The following NEK9 variants were observed in gnomAD, a reference collection of about 807,000 sequenced individuals.
NEK9 encodes serine/threonine-protein kinase Nek9.
NEK9 carries 75 observed loss-of-function variants against 123.4 expected under a neutral mutation model. That is an observed-to-expected ratio of 0.61 (90% CI 0.50 to 0.74). The LOEUF is 0.74. Ranked by LOEUF, NEK9 falls within the 30% of genes least tolerant of loss-of-function variation. NEK9 has a pLI of 0.00. For missense variants in NEK9, 952 were observed against 1,214.4 expected (o/e 0.78, Z 3.21); for synonymous variants, 438 against 458.7 (o/e 0.95, Z 0.58).
At position 75,097,236 on chromosome 14, in the gene NEK9, AT is replaced by A; in HGVS notation, c.2036del (p.Asn679MetfsTer6). On this transcript the variant is annotated frameshift_variant, in exon 17 of 22. Coordinates refer to ENST00000238616, the MANE Select transcript of NEK9 (RefSeq NM_033116.6). LOFTEE classifies it high-confidence loss of function. ...CTGTGGGGGTCATTGCCAGGCGGCC[AT>A]TACCACCATTGCCCCAGGCAAAAAT... Reference protein sequence around the residue: ...NHIFAWGNGGNGRLAMTPTER... With the variant: ...NHIFAWGNGGXGRLAMTPTER... The A allele has an allele frequency of 1.2e-6, 2 of 1,610,560 alleles. No individual in the cohort carries two copies. The highest frequency in any genetic ancestry group is 1.7e-6 in the Non-Finnish European group (2 of 1,178,032).
chr14:75,117,740 T>C (rs545403670), intron 5 of NEK9, among the ~76,000 whole-genome samples: 22 of 152,358 alleles, frequency 1.4e-4, no homozygotes, highest in East Asian at 3.9e-4. Flanking sequence ...ATGTTCTAAC[T>C]AAAATACGCG....
At chr14:75,092,321 C>T (rs1359419784) in intron 18 of NEK9, among the ~76,000 whole-genome samples, 2 of 148,166 alleles carry the variant, frequency 1.3e-5, no homozygotes, top group African/African-American at 2.5e-5. Flanking sequence ...GGCTAGAGTG[C>T]AGTGGCACGA....
Position 75,101,572 on chromosome 14 carries a change from T to C in NEK9, c.1840+85A>G, listed in dbSNP as rs946870434. The C allele has an allele frequency of 2.1e-5, 17 of 817,822 alleles. No individual in the cohort carries two copies. The African/African-American group carries it at 2.7e-4, about 13-fold the overall frequency. 50.7% of individuals were successfully genotyped at this position (817,822 alleles called of 1,614,324 possible). ...AGATTTTCAGGGGAAATCGGGATGA[T>C]ATACATATAAAGAAAACCTAATACC... On this transcript the variant is annotated intron_variant, in intron 15 of 21. Transcript: ENST00000238616.
intron 13 of NEK9, among the ~76,000 whole-genome samples, chr14:75,104,259 G>A (rs1894695083): frequency 6.6e-6 from 1 of 151,726 alleles, no homozygotes; most frequent in South Asian, 2.1e-4. Flanking sequence ...CTGCCTCCCA[G>A]GTTCAAGCGA....
At chr14:75,095,299 G>A in intron 18 of NEK9, 73 bp downstream of exon 18, 8 of 985,704 alleles carry the variant, frequency 8.1e-6, no homozygotes, top group Non-Finnish European at 1.2e-5. Context: ...TTTGGGTTTT[G>A]GAGTCTACAT....
At chr14:75,123,958 T>C in intron 2 of NEK9, 88 bp downstream of exon 2, 1 of 1,137,782 alleles carries the variant, frequency 8.8e-7, no homozygotes, top group Non-Finnish European at 1.3e-6. Flanking sequence ...TTTATCACTG[T>C]ATATGTCTCT....
intron 4 of NEK9, 65 bp downstream of exon 4, chr14:75,120,445 G>A: frequency 2.9e-6 from 3 of 1,046,770 alleles, no homozygotes; most frequent in Non-Finnish European, 2.9e-6. Flanking sequence ...GTTGTTGGGG[G>A]GGTATCCACG....
intron 16 of NEK9, among the ~76,000 whole-genome samples, chr14:75,098,607 T>C (rs1202654329): frequency 6.6e-6 from 1 of 152,222 alleles, no homozygotes; most frequent in African/African-American, 2.4e-5. Flanking sequence ...ACCTAACACC[T>C]GCCTGTGCTA....
chr14:75,082,301 A>G lies in NEK9; in HGVS notation c.*2263T>C, dbSNP rs1287571940. 1.3e-5 allele frequency: 2 copies of G among 152,244 alleles called. No individual in the cohort carries two copies. 9.4% of individuals were successfully genotyped at this position (152,244 alleles called of 1,614,324 possible). On this transcript the variant is annotated 3_prime_UTR_variant, in exon 22 of 22. Transcript: ENST00000238616. Reference sequence around the variant, plus strand: ...GAAAACTTAAAACACCTAGCACTGCATAAAGAAAAAAAGCAGGACAAAATT... The same window carrying G: ...GAAAACTTAAAACACCTAGCACTGCGTAAAGAAAAAAAGCAGGACAAAATT...
In NEK9 at chr14:75,083,542, C is replaced by G. The variant is rs1555350633; in HGVS notation, c.*1022G>C. The G allele has an allele frequency of 6.5e-6, 1 of 153,816 alleles. No individual in the cohort carries two copies. The highest frequency in any genetic ancestry group is 2.4e-5 in the African/African-American group (1 of 41,452). The allele number at this position is 153,816 out of a possible 1,614,324, so 9.5% of individuals were successfully genotyped here. A position where few individuals can be genotyped will look rare whatever the true frequency, so the allele number is the denominator to read the frequency against. ...CGTTACCACATGGCTTCATAAAACA[C>G]CAAAAGGGGAAAAATACTGACTAGA... On this transcript the variant is annotated 3_prime_UTR_variant, in exon 22 of 22. Transcript: ENST00000238616.
Position 75,109,741 on chromosome 14 carries a change from C to A in NEK9, c.1126G>T (p.Ala376Ser). The A allele has an allele frequency of 1.2e-6, 2 of 1,614,166 alleles. No individual in the cohort carries two copies. The highest frequency in any genetic ancestry group is 2.2e-5 in the South Asian group (2 of 91,090). ...ACCACAGCAAAGTGGGTATTCCCTG[C>A]ACAGACCTGCCGGGCACTACAGCCA... ...KSGCSARQVC[A>S]GNTHFAVVTV... is the part of the protein sequence containing the mutation. Residue 376 changes from alanine to serine, a missense_variant, in exon 10 of 22, where the codon GCA (alanine) becomes TCA (serine). This residue lies in a region of NEK9 where 698 missense variants were observed against 875.6 expected (regional missense o/e 0.80). Transcript: ENST00000238616.
intron 21 of NEK9, among the ~76,000 whole-genome samples, chr14:75,085,848 C>T (rs1030184805): frequency 2.6e-5 from 4 of 152,134 alleles, no homozygotes; most frequent in Non-Finnish European, 5.9e-5. Context: ...CATGTTTGTG[C>T]CACTGCACTC....
At chr14:75,085,540 A>AT (rs1893993984) in intron 21 of NEK9, among the ~76,000 whole-genome samples, 1 of 152,194 alleles carries the variant, frequency 6.6e-6, no homozygotes, top group African/African-American at 2.4e-5. Context: ...CCTTTGAAGT[A>AT]TTTTCACTAA....
chr14:75,102,343 G>T (rs1193793580), intron 14 of NEK9, among the ~76,000 whole-genome samples: 2 of 151,780 alleles, frequency 1.3e-5, no homozygotes, highest in East Asian at 3.9e-4. Flanking sequence ...TGTTTTTTTT[G>T]TTTTTTTATT....
At chr14:75,126,676 A>C in intron 1 of NEK9, 27 bp downstream of exon 1, 1 of 1,385,096 alleles carries the variant, frequency 7.2e-7, no homozygotes, top group South Asian at 1.7e-5. Flanking sequence ...AGCGCCAGAC[A>C]GGGCGGCCGG....
intron 1 of NEK9, among the ~76,000 whole-genome samples, chr14:75,124,776 T>C (rs1594856171): frequency 2.9e-5 from 1 of 34,400 alleles, no homozygotes; most frequent in African/African-American, 7.0e-5. Context: ...GTCTACTATC[T>C]TTTTTTTTTT....
chr14:75,088,725 CT>C, intron 19 of NEK9, 84 bp from the exon 20 acceptor site: 1 of 1,329,314 alleles, frequency 7.5e-7, no homozygotes, highest in South Asian at 1.3e-5. Context: ...ATAGTTTTCC[CT>C]CTCTCATGAC....
In NEK9 at chr14:75,084,579, A is replaced by G; in HGVS notation, c.2925T>C (p.Cys975=). Residue 975 remains cysteine (C), a synonymous_variant, in exon 22 of 22, where the codon TGT becomes TGC. Transcript: ENST00000238616. ...DSWCLLGTDS[C]RPSL Reference sequence around the variant, plus strand: ...GCTCAGGAGACTAGAGGCTGGGTCTACAGGAGTCTGTTCCCAGGAGGCACC... The same window carrying G: ...GCTCAGGAGACTAGAGGCTGGGTCTGCAGGAGTCTGTTCCCAGGAGGCACC... The G allele has an allele frequency of 6.2e-7, 1 of 1,614,164 alleles. No homozygotes were observed. The highest frequency in any genetic ancestry group is 8.5e-7 in the Non-Finnish European group (1 of 1,180,002).
chr14:75,110,281 T>C, intron 9 of NEK9, 40 bp downstream of exon 9: 1 of 1,501,326 alleles, frequency 6.7e-7, no homozygotes, highest in Non-Finnish European at 9.2e-7. Context: ...CTGGTTGTAA[T>C]TTCGGATATA....
Sources: allele counts gnomAD v4.1 joint callset (sites outside exome capture counted in the v4.1 genomes callset), GRCh38; gene constraint gnomAD v4.1.1; regional missense constraint gnomAD v4.1.1; transcripts MANE v1.5; gene names NCBI Gene and HGNC (gene_info 2026-07-23, HGNC 2026-07-21).